The following BNC1 variants were observed in gnomAD, a reference collection of about 807,000 sequenced individuals.
BNC1 encodes basonuclin zinc finger protein 1.
In BNC1, 8 loss-of-function variants were observed where a neutral mutation model predicts 66.5. That is an observed-to-expected ratio of 0.12 (90% CI 0.07 to 0.22). The LOEUF is 0.22. Ranked by LOEUF, BNC1 falls within the 10% of genes least tolerant of loss-of-function variation. The pLI is 1.00. For synonymous variants in BNC1, 454 were observed against 452.6 expected (o/e 1.00, Z -0.04); for missense variants, 1,069 against 1,241.3 (o/e 0.86, Z 2.09).
At chr15:83,270,091 A>C (rs762750307) in intron 1 of BNC1, among the ~76,000 whole-genome samples, 4 of 152,204 alleles carry the variant, frequency 2.6e-5, no homozygotes, top group Admixed American at 6.5e-5. Flanking sequence ...ATGGATAAGA[A>C]GTGACTGCTA....
At chr15:83,266,525 A>ATACT (rs2038219640) in intron 3 of BNC1, among the ~76,000 whole-genome samples, 1 of 152,194 alleles carries the variant, frequency 6.6e-6, no homozygotes, top group African/African-American at 2.4e-5. Flanking sequence ...GTCAGTAAGT[A>ATACT]GTTTGGGACT....
rs2038184445 is a variant in BNC1, at chr15:83,264,040, C to T, written c.1211G>A (p.Arg404His). 1.2e-6 allele frequency: 2 copies of T among 1,614,042 alleles called. No homozygotes were observed. Among genetic ancestry groups the T allele is most frequent in the Admixed American group, 1.7e-5 (1 of 60,008 alleles). The change falls in exon 4 of 5, where the codon CGC becomes CAC. Residue 404 changes from arginine to histidine, a missense_variant. By Grantham distance (29) the Arg-to-His change is conservative. Transcript: ENST00000345382. The part of the protein sequence containing the change: ...MVFSSLRSRN[R>H]HSANPNPRLH... ...CCGAGGGTTGGGGTTGGCGCTATGGCGATTCCGGCTCCTTAGGGAGCTGAA... is the reference window on the plus strand; with the variant it reads ...CCGAGGGTTGGGGTTGGCGCTATGGTGATTCCGGCTCCTTAGGGAGCTGAA...
chr15:83,280,057 A>C (rs1418515963), intron 1 of BNC1, among the ~76,000 whole-genome samples: 1 of 152,238 alleles, frequency 6.6e-6, no homozygotes, highest in Non-Finnish European at 1.5e-5. Flanking sequence ...TCTATGAATC[A>C]AAGTATAAAC....
Position 83,264,546 on chromosome 15 carries a change from G to C in BNC1, c.705C>G (p.Asn235Lys), listed in dbSNP as rs141173152. The C allele has an allele frequency of 6.2e-7, 1 of 1,614,112 alleles. No homozygotes were observed. The highest frequency in any genetic ancestry group is 1.3e-5 in the African/African-American group (1 of 75,008). Residue 235 changes from asparagine (N) to lysine (K), a missense_variant, in exon 4 of 5, where the codon AAC becomes AAG. Around this residue, in one of 7 missense-constraint regions of BNC1, gnomAD observed 181 missense variants for 181.5 expected, o/e 1.00. Coordinates refer to ENST00000345382, the MANE Select transcript of BNC1 (RefSeq NM_001717.4). ...GCATGAAAGTCATGTTGCTTATGAG[G>C]TTCTCAAAGGGGTGTATACTGCTGG... ...GNPSSIHPFE[N>K]LISNMTFMLP...
chr15:83,257,680 T>C lies in BNC1; in HGVS notation c.2747A>G (p.Asp916Gly). The C allele has an allele frequency of 2.5e-6, 4 of 1,614,088 alleles. No individual in the cohort carries two copies. The highest frequency in any genetic ancestry group is 3.4e-6 in the Non-Finnish European group (4 of 1,180,004). ...YPICVLMEKA[D>G]QSLASLPSGL... The stretch of plus-strand genomic sequence containing the variant: ...AGAAGGCAGGCTAGCAAGGCTCTGG[T>C]CAGCCTTCTCCATCAGGACACAGAT... The change falls in exon 5 of 5, where the codon GAC becomes GGC. Residue 916 changes from aspartate (D) to glycine (G), a missense_variant. Around this residue, in one of 7 missense-constraint regions of BNC1, gnomAD observed 657 missense variants for 715.8 expected, o/e 0.92. Coordinates refer to ENST00000345382, the MANE Select transcript of BNC1 (RefSeq NM_001717.4).
chr15:83,283,026 T>C (rs1471548029), intron 1 of BNC1: 1 of 1,321,118 alleles, frequency 7.6e-7, no homozygotes, highest in African/African-American at 1.5e-5. Context: ...AGCACAGCCA[T>C]AAAACCAGGG....
At chr15:83,279,374 AT>A (rs2038356340) in intron 1 of BNC1, among the ~76,000 whole-genome samples, 1 of 152,194 alleles carries the variant, frequency 6.6e-6, no homozygotes, top group Non-Finnish European at 1.5e-5. Context: ...AGTGAAAAAA[AT>A]AAGTCAAACT....
intron 1 of BNC1, among the ~76,000 whole-genome samples, chr15:83,273,496 A>C (rs1282950150): frequency 6.6e-6 from 1 of 152,230 alleles, no homozygotes; most frequent in Non-Finnish European, 1.5e-5. Flanking sequence ...ACTCATCAAG[A>C]CACAATCATT....
chr15:83,280,061 T>C (rs926379701), intron 1 of BNC1, among the ~76,000 whole-genome samples: 2 of 152,226 alleles, frequency 1.3e-5, no homozygotes, highest in South Asian at 4.1e-4. Context: ...TGAATCAAAG[T>C]ATAAACTGTG....
At chr15:83,258,395 GATGTACTTTCTGTACCTC>G in intron 4 of BNC1, among the ~76,000 whole-genome samples, 1 of 152,298 alleles carries the variant, frequency 6.6e-6, no homozygotes, top group African/African-American at 2.4e-5. Context: ...GTGTCTGTTT[GATGTACTTTCTGTACCTC>G]ATGTCCTTTC....
intron 1 of BNC1, among the ~76,000 whole-genome samples, chr15:83,269,619 T>A (rs1470888040): frequency 6.6e-6 from 1 of 152,176 alleles, no homozygotes; most frequent in Non-Finnish European, 1.5e-5. Context: ...AAAAATTGGT[T>A]GCTGGTGGGA....
Position 83,257,925 on chromosome 15 carries a change from T to C in BNC1, c.2502A>G (p.Ile834Met), listed in dbSNP as rs1170433773. 1.9e-6 allele frequency: 3 copies of C among 1,614,040 alleles called. No individual in the cohort carries two copies. ...CCAGGCTGGCACTGTGGACTTGCGT[T>C]ATTGGGTAAACCAGACTGCCCATTC... is the stretch of plus-strand genomic sequence containing the variant. ...TSRMGSLVYP[I>M]TQVHSASLES... Residue 834 changes from isoleucine (I) to methionine (M), a missense_variant, in exon 5 of 5, where the codon ATA (isoleucine) becomes ATG (methionine). Physicochemically the swap from Ile to Met is conservative, Grantham distance 10 (BLOSUM62 1). This residue lies in a region of BNC1 where 657 missense variants were observed against 715.8 expected (regional missense o/e 0.92). Transcript: ENST00000345382.
Position 83,257,182 on chromosome 15 carries a change from G to GA in BNC1, c.*259dup, listed in dbSNP as rs1443813950. ...CCAGGGAACATGTAAACAAATCTGGGAAAAATCACATTTCTGCAAGTTTTC... is the reference window on the plus strand; with the variant it reads ...CCAGGGAACATGTAAACAAATCTGGGAAAAAATCACATTTCTGCAAGTTTTC... On this transcript the variant is annotated 3_prime_UTR_variant, in exon 5 of 5. Transcript: ENST00000345382. The GA allele has an allele frequency of 7.2e-5, 38 of 531,438 alleles. 1 individual carries two copies. In the East Asian group the frequency reaches 1.2e-3, roughly 17 times the overall value. 32.9% of individuals were successfully genotyped at this position (531,438 alleles called of 1,614,324 possible).
At chr15:83,272,728 T>C (rs968543113) in intron 1 of BNC1, among the ~76,000 whole-genome samples, 4 of 152,160 alleles carry the variant, frequency 2.6e-5, no homozygotes, top group Non-Finnish European at 5.9e-5. Flanking sequence ...AGCAAAATCA[T>C]AGAGGGAACA....
intron 1 of BNC1, among the ~76,000 whole-genome samples, chr15:83,276,535 A>G (rs2038325652): frequency 6.6e-6 from 1 of 152,188 alleles, no homozygotes; most frequent in African/African-American, 2.4e-5. Context: ...AATAAATTTA[A>G]TTTCCAAGTC....
chr15:83,264,099 C>T lies in BNC1; in HGVS notation c.1152G>A (p.Lys384=). The T allele has an allele frequency of 1.9e-6, 3 of 1,614,158 alleles. No individual in the cohort carries two copies. The highest frequency in any genetic ancestry group is 1.7e-6 in the Non-Finnish European group (2 of 1,180,040). The part of the protein sequence containing the change: ...IHYNAVHLKI[K]HKCTIEGCNM... Reference sequence around the variant, plus strand: ...TACACCCTTCGATGGTGCACTTATGCTTGATCTTCAAGTGGACGGCATTGT... The same window carrying T: ...TACACCCTTCGATGGTGCACTTATGTTTGATCTTCAAGTGGACGGCATTGT... The change falls in exon 4 of 5, where the codon AAG becomes AAA. Residue 384 remains lysine (K), a synonymous_variant. Transcript: ENST00000345382.
chr15:83,267,821 C>T (rs1036179123), intron 2 of BNC1, among the ~76,000 whole-genome samples: 3 of 152,106 alleles, frequency 2.0e-5, no homozygotes, highest in South Asian at 2.1e-4. Context: ...TTTAACTAAG[C>T]GTTCTGTATT....
intron 1 of BNC1, chr15:83,283,049 C>T (rs2038396612): frequency 1.5e-5 from 21 of 1,439,954 alleles, no homozygotes; most frequent in Middle Eastern, 1.8e-4. Flanking sequence ...CGTTACCGAA[C>T]CCCCGAGCGT....
chr15:83,282,211 G>C (rs2038386532), intron 1 of BNC1, among the ~76,000 whole-genome samples: 1 of 152,194 alleles, frequency 6.6e-6, no homozygotes, highest in African/African-American at 2.4e-5. Context: ...TGTGTGCTAG[G>C]TGAAGATTTC....
Sources: allele counts gnomAD v4.1 joint callset (sites outside exome capture counted in the v4.1 genomes callset), GRCh38; gene constraint gnomAD v4.1.1; regional missense constraint gnomAD v4.1.1; transcripts MANE v1.5; gene names NCBI Gene and HGNC (gene_info 2026-07-23, HGNC 2026-07-21).